IMPG2: variants seen among roughly 807,000 people sequenced by gnomAD.
IMPG2 encodes interphotoreceptor matrix proteoglycan 2.
Under a neutral mutation model 129.2 loss-of-function variants are expected in IMPG2, and 91 were observed. The ratio of observed to expected loss-of-function variants is 0.70; its 90% CI spans 0.59 to 0.84. The LOEUF (loss-of-function observed/expected upper bound fraction) is 0.84. Ranked by LOEUF, IMPG2 falls within the 40% of genes least tolerant of loss-of-function variation. The pLI, the probability that IMPG2 is intolerant of heterozygous loss-of-function variation, is 0.00. For missense variants in IMPG2, 1,430 were observed against 1,461.7 expected, an observed-to-expected ratio of 0.98 and a Z score of 0.35; for synonymous variants, 510 against 517.7, an observed-to-expected ratio of 0.99 and a Z score of 0.20.
intron 2 of IMPG2, among the ~76,000 whole-genome samples, chr3:101,307,782 A>G (rs958107892): frequency 1.3e-5 from 2 of 152,146 alleles, no homozygotes; most frequent in African/African-American, 2.4e-5. Context: ...AAACACAACC[A>G]TGCCTTTCCA....
intron 16 of IMPG2, among the ~76,000 whole-genome samples, chr3:101,230,615 T>C (rs996593892): frequency 7.9e-5 from 12 of 152,326 alleles, no homozygotes; most frequent in Admixed American, 7.2e-4. Context: ...ACTTTGCTCA[T>C]GCTCATTCAA....
intron 11 of IMPG2, among the ~76,000 whole-genome samples, chr3:101,247,623 T>C (rs1355214336): frequency 2.0e-5 from 3 of 151,992 alleles, no homozygotes; most frequent in Non-Finnish European, 4.4e-5. Context: ...AAGTAGGTAT[T>C]TGAATAACAT....
At position 101,257,784 on chromosome 3, in the gene IMPG2, A is replaced by G. The variant is rs1354868649; in HGVS notation, c.909-11T>C. 6.2e-7 allele frequency: 1 copy of G among 1,612,838 alleles called. No individual in the cohort carries two copies. Among genetic ancestry groups the G allele is most frequent in the East Asian group, 2.2e-5 (1 of 44,864 alleles). ...TAAACATCTACGCCACTATGGATGG[A>G]AAGAGAGAACAGGTTAGGTTCAGCT... On this transcript the variant is annotated splice_polypyrimidine_tract_variant and intron_variant, in intron 9 of 18. Transcript: ENST00000193391.
chr3:101,305,761 A>T (rs1293633439), intron 2 of IMPG2, among the ~76,000 whole-genome samples: 2 of 152,160 alleles, frequency 1.3e-5, no homozygotes, highest in Admixed American at 1.3e-4. Context: ...AATAAAAACT[A>T]ATCAATTTAT....
At chr3:101,301,970 T>C (rs1194249292) in intron 3 of IMPG2, among the ~76,000 whole-genome samples, 1 of 152,214 alleles carries the variant, frequency 6.6e-6, no homozygotes, top group Non-Finnish European at 1.5e-5. Flanking sequence ...TCCAAGCTTG[T>C]TCAGTTATCC....
intron 4 of IMPG2, among the ~76,000 whole-genome samples, chr3:101,285,075 C>T (rs1281494860): frequency 6.6e-6 from 1 of 152,094 alleles, no homozygotes; most frequent in Non-Finnish European, 1.5e-5. Context: ...AGAATTTCAT[C>T]CTGTAAAAAT....
chr3:101,262,963 G>A (rs1206865056), intron 9 of IMPG2, among the ~76,000 whole-genome samples: 1 of 151,748 alleles, frequency 6.6e-6, no homozygotes, highest in Non-Finnish European at 1.5e-5. Context: ...GAAGGACATT[G>A]TATAATAATA....
chr3:101,313,979 C>G (rs182109311), intron 2 of IMPG2, among the ~76,000 whole-genome samples: 79 of 152,048 alleles, frequency 5.2e-4, no homozygotes, highest in Non-Finnish European at 9.6e-4. Flanking sequence ...TAAAATATCA[C>G]TAATAATAGA....
intron 13 of IMPG2, among the ~76,000 whole-genome samples, 159 bp from the exon 14 acceptor site, chr3:101,243,066 T>A (rs1333791131): frequency 6.6e-6 from 1 of 152,180 alleles, no homozygotes; most frequent in African/African-American, 2.4e-5. Context: ...AAGTACAAAT[T>A]AGGAATGATT....
intron 14 of IMPG2, among the ~76,000 whole-genome samples, chr3:101,240,604 G>A (rs970310912): frequency 1.3e-5 from 2 of 152,152 alleles, no homozygotes; most frequent in African/African-American, 4.8e-5. Context: ...AAGGGTCAGG[G>A]ATAAAATAGC....
At chr3:101,249,043 G>T (rs1328271860) in intron 11 of IMPG2, among the ~76,000 whole-genome samples, 1 of 152,206 alleles carries the variant, frequency 6.6e-6, no homozygotes, top group Non-Finnish European at 1.5e-5. Context: ...AATACTCTGT[G>T]TCTAGCATAG....
chr3:101,310,615 TA>T (rs889383971), intron 2 of IMPG2, among the ~76,000 whole-genome samples: 78 of 144,730 alleles, frequency 5.4e-4, no homozygotes, highest in African/African-American at 2.0e-3. Context: ...AGACACATAA[TA>T]AAGCAAACAT....
At chr3:101,257,911 G>C (rs7613046) in intron 9 of IMPG2, 138 bp from the exon 10 acceptor site, 771,538 of 974,006 alleles carry the variant, frequency 0.79, 306,837 homozygotes, top group African/African-American at 0.86. Flanking sequence ...TCTCTGAAAA[G>C]CCTGGACAAC....
At chr3:101,319,074 G>A (rs1185811991) in intron 2 of IMPG2, among the ~76,000 whole-genome samples, 2 of 152,010 alleles carry the variant, frequency 1.3e-5, no homozygotes, top group Admixed American at 1.3e-4. Flanking sequence ...AAGCAGGTGA[G>A]TATACTTTGG....
intron 6 of IMPG2, 100 bp from the exon 7 acceptor site, chr3:101,273,842 G>C: frequency 8.8e-7 from 1 of 1,137,192 alleles, no homozygotes; most frequent in Admixed American, 2.0e-5. Flanking sequence ...GCTAAAGGCA[G>C]CTTCTGAAGA....
intron 14 of IMPG2, among the ~76,000 whole-genome samples, chr3:101,234,665 T>C (rs938919521): frequency 8.5e-5 from 13 of 152,208 alleles, no homozygotes; most frequent in Admixed American, 2.0e-4. Context: ...GTTTTGTGAC[T>C]TTGTAATCAG....
intron 14 of IMPG2, among the ~76,000 whole-genome samples, chr3:101,234,394 A>C (rs1706323913): frequency 6.6e-6 from 1 of 152,016 alleles, no homozygotes; most frequent in Non-Finnish European, 1.5e-5. Context: ...CAGAGGGAAC[A>C]GGGCCTGGCC....
chr3:101,281,427 T>C (rs1706891505), intron 4 of IMPG2, among the ~76,000 whole-genome samples: 1 of 152,138 alleles, frequency 6.6e-6, no homozygotes, highest in Admixed American at 6.6e-5. Context: ...AAAGACAGAA[T>C]TTAAGGTCCT....
chr3:101,310,881 G>A (rs887166154), intron 2 of IMPG2, among the ~76,000 whole-genome samples: 1 of 152,048 alleles, frequency 6.6e-6, no homozygotes, highest in Non-Finnish European at 1.5e-5. Flanking sequence ...TATGCTTTGG[G>A]CAATGTTTCC....
Sources: gnomAD v4.1 joint callset for allele counts (sites outside exome capture counted in the v4.1 genomes callset) on GRCh38, gnomAD v4.1.1 for gene constraint, MANE v1.5 for transcripts, NCBI Gene and HGNC (gene_info 2026-07-23, HGNC 2026-07-21) for gene names.